The following CNTLN variants were observed in gnomAD, a reference collection of about 807,000 sequenced individuals.
CNTLN encodes centlein, centrosomal protein.
In CNTLN, 212 loss-of-function variants were observed where a neutral mutation model predicts 180.0. The ratio of observed to expected loss-of-function variants is 1.18; its 90% CI spans 1.05 to 1.32. The LOEUF (loss-of-function observed/expected upper bound fraction) is 1.32. Among genes scored for constraint, CNTLN ranks in the 40% most tolerant of loss-of-function variants. The probability of loss-of-function intolerance (pLI) is 0.00; values close to 1 mark genes in which losing one functional copy is unlikely to be tolerated. For missense variants in CNTLN, 2,095 were observed against 1,610.9 expected (o/e 1.30, Z -5.14); for synonymous variants, 722 against 563.1 (o/e 1.28, Z -3.99).
At chr9:17,259,047 G>C (rs1262989399) in intron 5 of CNTLN, among the ~76,000 whole-genome samples, 1 of 148,620 alleles carries the variant, frequency 6.7e-6, no homozygotes, top group East Asian at 2.0e-4. Context: ...TCCCTGTCTT[G>C]TGCCAGTTTT....
intron 2 of CNTLN, among the ~76,000 whole-genome samples, chr9:17,204,499 G>C (rs1013902793): frequency 6.6e-6 from 1 of 152,172 alleles, no homozygotes; most frequent in East Asian, 1.9e-4. Flanking sequence ...ATCACCAGCT[G>C]AGGCTGGAGA....
chr9:17,506,658 C>T (rs542281527), downstream of CNTLN, among the ~76,000 whole-genome samples: 131 of 151,996 alleles, frequency 8.6e-4, 1 homozygote, highest in Middle Eastern at 0.027. Context: ...TTTAGAGGGT[C>T]GAAAGTGAAA....
chr9:17,237,233 G>A (rs1825200319), intron 5 of CNTLN, among the ~76,000 whole-genome samples: 2 of 150,706 alleles, frequency 1.3e-5, no homozygotes, highest in South Asian at 4.3e-4. Flanking sequence ...GTCTTTAGAG[G>A]TTTTTGCTAA....
chr9:17,415,686 A>C (rs1337615440), intron 16 of CNTLN, 102 bp from the exon 17 acceptor site: 1 of 820,556 alleles, frequency 1.2e-6, no homozygotes, highest in Non-Finnish European at 2.0e-6. Flanking sequence ...AAAATTCTGC[A>C]TAAACAATTG....
chr9:17,408,817 G>A (rs1827614918), intron 15 of CNTLN, among the ~76,000 whole-genome samples: 1 of 144,534 alleles, frequency 6.9e-6, no homozygotes, highest in Middle Eastern at 3.6e-3. Context: ...AAAAAAAAGT[G>A]CCTGGGCCCA....
intron 13 of CNTLN, among the ~76,000 whole-genome samples, chr9:17,373,684 C>T (rs1054260416): frequency 1.3e-5 from 2 of 151,940 alleles, no homozygotes; most frequent in African/African-American, 4.8e-5. Flanking sequence ...CTATTGTAAA[C>T]AAAAAGAACA....
intron 2 of CNTLN, among the ~76,000 whole-genome samples, chr9:17,206,285 T>TA (rs1275140527): frequency 1.3e-5 from 2 of 152,204 alleles, no homozygotes; most frequent in Non-Finnish European, 2.9e-5. Flanking sequence ...GCACCCTTGT[T>TA]ACTTAAATTA....
rs1170925667 is a variant in CNTLN, at chr9:17,340,948, T to C, written c.1766T>C (p.Met589Thr). 1 of 1,607,832 alleles carries C rather than the reference T, an allele frequency of 6.2e-7. No homozygotes were observed. The highest frequency in any genetic ancestry group is 1.3e-5 in the African/African-American group (1 of 74,582). Residue 589 changes from methionine (M) to threonine (T), a missense_variant and splice_region_variant, in exon 11 of 26, where the codon ATG becomes ACG. Met to Thr is a moderately conservative substitution (Grantham distance 81). Transcript: ENST00000380647. ...QLKQWEEGSG[M>T]TEIRKIKRAD... ...AAACAGTGGGAAGAAGGCAGTGGCA[T>C]GTGAGTTACATAGCTCATAAAGGCA...
chr9:17,153,042 T>G (rs1819003568), intron 2 of CNTLN, among the ~76,000 whole-genome samples: 1 of 152,214 alleles, frequency 6.6e-6, no homozygotes, highest in Admixed American at 6.5e-5. Flanking sequence ...ATTTTGAGCC[T>G]ATGTGTGTCT....
chr9:17,150,888 A>G (rs1324837142), intron 2 of CNTLN, among the ~76,000 whole-genome samples: 2 of 152,074 alleles, frequency 1.3e-5, no homozygotes, highest in Non-Finnish European at 2.9e-5. Context: ...TTGTATTCCT[A>G]GGTATTTTAT....
At chr9:17,249,345 G>GTTTTTTTTTTTTTTTT (rs558059269) in intron 5 of CNTLN, among the ~76,000 whole-genome samples, 3 of 124,910 alleles carry the variant, frequency 2.4e-5, no homozygotes, top group Admixed American at 8.2e-5. Flanking sequence ...TTCTTTGATT[G>GTTTTTTTTTTTTTTTT]TTTTTTTTGT....
chr9:17,484,359 A>G lies in CNTLN; in HGVS notation c.3920A>G (p.Lys1307Arg). 1.2e-6 allele frequency: 2 copies of G among 1,612,608 alleles called. No individual in the cohort carries two copies. The highest frequency in any genetic ancestry group is 8.5e-7 in the Non-Finnish European group (1 of 1,179,478). Residue 1307 changes from lysine (K) to arginine (R), a missense_variant, in exon 24 of 26, where the codon AAA becomes AGA. By Grantham distance (26) the Lys-to-Arg change is conservative. Transcript: ENST00000380647. ...VVRRQIRELK[K>R]MKKNRDACKT... ...AGGCGACAAATAAGAGAGCTTAAAA[A>G]AATGAAGAAAAACAGGGACGCCTGT...
At chr9:17,227,510 G>A (rs1039758302) in intron 3 of CNTLN, among the ~76,000 whole-genome samples, 5 of 151,818 alleles carry the variant, frequency 3.3e-5, no homozygotes, top group African/African-American at 9.7e-5. Flanking sequence ...AGCTCATTAC[G>A]GAGTAAATAA....
intron 5 of CNTLN, among the ~76,000 whole-genome samples, chr9:17,253,761 G>T (rs374458954): frequency 9.1e-5 from 13 of 142,714 alleles, no homozygotes; most frequent in African/African-American, 1.8e-4. Context: ...CTTTTCTATT[G>T]TTTTTTTTTT....
chr9:17,137,922 C>G (rs1415318113), intron 1 of CNTLN, among the ~76,000 whole-genome samples: 1 of 151,990 alleles, frequency 6.6e-6, no homozygotes, highest in Non-Finnish European at 1.5e-5. Context: ...AAATATGGCC[C>G]CCTGATTAGC....
rs1817636521 is a variant in CNTLN, at chr9:17,135,391, T to C, written c.326T>C (p.Leu109Pro). 1 of 1,598,272 alleles carries C rather than the reference T, an allele frequency of 6.3e-7. No individual in the cohort carries two copies. Among genetic ancestry groups the C allele is most frequent in the Non-Finnish European group, 8.5e-7 (1 of 1,173,552 alleles). Residue 109 changes from leucine to proline, a missense_variant, in exon 1 of 26, where the codon CTG becomes CCG. Coordinates refer to ENST00000380647, the MANE Select transcript of CNTLN (RefSeq NM_017738.4). ...VTRTQLLEEELSSLKEELALC... is the reference protein window; with the variant it reads ...VTRTQLLEEEPSSLKEELALC... ...CGGACGCAGCTGCTGGAGGAAGAGC[T>C]GAGCAGCCTAAAGGAGGAGTTGGCC...
chr9:17,146,233 T>C (rs757198123), intron 2 of CNTLN, among the ~76,000 whole-genome samples: 1 of 152,216 alleles, frequency 6.6e-6, no homozygotes, highest in African/African-American at 2.4e-5. Flanking sequence ...TATTCTTTGT[T>C]TTAGCACTCT....
chr9:17,433,166 A>T (rs1829532658), intron 18 of CNTLN, among the ~76,000 whole-genome samples: 1 of 152,116 alleles, frequency 6.6e-6, no homozygotes, highest in Non-Finnish European at 1.5e-5. Flanking sequence ...ATTGAAGAGT[A>T]AAAAAAGTGA....
intron 2 of CNTLN, among the ~76,000 whole-genome samples, chr9:17,218,288 T>G (rs2132029133): frequency 6.6e-6 from 1 of 152,254 alleles, no homozygotes; most frequent in East Asian, 1.9e-4. Context: ...TATATCAAAG[T>G]TTTTACATGA....
Sources: gnomAD v4.1 joint callset for allele counts (sites outside exome capture counted in the v4.1 genomes callset) on GRCh38, gnomAD v4.1.1 for gene constraint, MANE v1.5 for transcripts, NCBI Gene and HGNC (gene_info 2026-07-23, HGNC 2026-07-21) for gene names.